Variants in CYREN observed in about 807,000 individuals in gnomAD.
The protein encoded by CYREN is cell cycle regulator of non-homologous end joining.
Under a neutral mutation model 9.7 loss-of-function variants are expected in CYREN, and 7 were observed. That is an observed-to-expected ratio of 0.72 (90% CI 0.41 to 1.36). CYREN has a LOEUF of 1.36. Among genes scored for constraint, CYREN ranks in the 40% most tolerant of loss-of-function variants. CYREN has a pLI of 0.01. For synonymous variants in CYREN, 76 were observed against 77.9 expected, an observed-to-expected ratio of 0.98 and a Z score of 0.13; for missense variants, 215 against 198.1, an observed-to-expected ratio of 1.09 and a Z score of -0.51.
chr7:135,113,824 G>A (rs1825961531), intron 2 of CYREN, among the ~76,000 whole-genome samples: 2 of 152,022 alleles, frequency 1.3e-5, no homozygotes, highest in Non-Finnish European at 1.5e-5. Context: ...CCTCCCCCCA[G>A]CACCTGGAAA....
chr7:135,130,087 C>T (rs1186435752), intron 2 of CYREN, among the ~76,000 whole-genome samples: 2 of 152,136 alleles, frequency 1.3e-5, no homozygotes, highest in Non-Finnish European at 2.9e-5. Context: ...TTGGAGTTCC[C>T]TCAGTACTAC....
rs545602331 is a variant in CYREN at position 135,097,089 on chromosome 7, GAATGCTTATCACATCAA to G, written n.357-2524_357-2508del. ...ATTTGCTTGGGCATACCACCCAAAT[GAATGCTTATCACATCAA>G]CAAATGAATGCTTATCACATCATTC... On this transcript the variant is annotated intron_variant and non_coding_transcript_variant, in intron 2 of 2. Coordinates refer to the CYREN transcript ENST00000459937. Among the ~76,000 whole-genome samples, 1,069 of 152,284 alleles carry G rather than the reference GAATGCTTATCACATCAA, an allele frequency of 7.0e-3. 13 individuals are homozygous for G. The highest frequency in any genetic ancestry group is 0.025 in the African/African-American group (1,019 of 41,566).
intron 2 of CYREN, among the ~76,000 whole-genome samples, chr7:135,121,180 G>A (rs894510864): frequency 6.6e-6 from 1 of 152,090 alleles, no homozygotes; most frequent in Non-Finnish European, 1.5e-5. Flanking sequence ...ACTCCAGCCT[G>A]GGCAACAAAA....
intron 2 of CYREN, chr7:135,115,284 G>C (rs568700781): frequency 3.9e-6 from 3 of 771,222 alleles, no homozygotes; most frequent in Non-Finnish European, 6.1e-6. Context: ...GATGGGCAAG[G>C]AATTTTAGAT....
Position 135,151,070 on chromosome 7 carries a change from C to T in CYREN, n.356+17679G>A, listed in dbSNP as rs1301196263. 6.6e-6 allele frequency among the ~76,000 whole-genome samples: 1 copy of T among 152,208 alleles called. No individual in the cohort carries two copies. The highest frequency in any genetic ancestry group is 1.5e-5 in the Non-Finnish European group (1 of 68,048). On this transcript the variant is annotated intron_variant and non_coding_transcript_variant, in intron 2 of 2. Coordinates refer to the CYREN transcript ENST00000459937. This position sits in a 1 kb window ranked among gnomAD's most constrained non-coding sequence, Gnocchi z 4.3. ...GGCTTGTCATCTGGGTGCCTGGACT[C>T]ATGCTTCTGACTTTATGTTATAATC...
chr7:135,113,500 GC>G (rs1395061986), intron 2 of CYREN, among the ~76,000 whole-genome samples: 1 of 151,990 alleles, frequency 6.6e-6, no homozygotes. Context: ...TGTATTTCTT[GC>G]TTTTATTCTA....
chr7:135,138,280 TA>T (rs1009829993), intron 2 of CYREN, among the ~76,000 whole-genome samples: 10 of 151,936 alleles, frequency 6.6e-5, no homozygotes, highest in African/African-American at 1.7e-4. Context: ...GAAGGTAAAA[TA>T]AAATCTTTTA....
intron 2 of CYREN, among the ~76,000 whole-genome samples, chr7:135,117,948 C>A (rs1363013861): frequency 1.3e-5 from 2 of 152,180 alleles, no homozygotes; most frequent in Admixed American, 6.5e-5. Context: ...CAGTCTTGCA[C>A]ATGAAACTGC....
At chr7:135,162,580 G>C (rs1192309480), downstream of CYREN, among the ~76,000 whole-genome samples, 1 of 152,212 alleles carries the variant, frequency 6.6e-6, no homozygotes, top group African/African-American at 2.4e-5. Context: ...GCAGGCAAGA[G>C]AACATGTGCA....
chr7:135,115,821 T>C (rs1026919096), intron 2 of CYREN: 8 of 492,890 alleles, frequency 1.6e-5, no homozygotes, highest in Non-Finnish European at 2.2e-5. Context: ...TAATTGATTA[T>C]TTGCATGAAA....
At chr7:135,135,133 C>T in intron 2 of CYREN, 1 of 1,551,138 alleles carries the variant, frequency 6.4e-7, no homozygotes, top group Non-Finnish European at 8.7e-7. Context: ...TAAGAGTCTT[C>T]AAGCTGAAGA....
At chr7:135,158,126 C>A (rs3778772) in intron 2 of CYREN, among the ~76,000 whole-genome samples, 73,420 of 151,936 alleles carry the variant, frequency 0.48, 18,039 homozygotes, top group South Asian at 0.65. Flanking sequence ...TGGGGCACAG[C>A]CCAGCATTAA....
At chr7:135,127,479 G>A (rs963389463) in intron 2 of CYREN, among the ~76,000 whole-genome samples, 11 of 152,074 alleles carry the variant, frequency 7.2e-5, no homozygotes, top group Non-Finnish European at 4.4e-5. Flanking sequence ...CTTGAACCCG[G>A]GAGGCGGAGG....
At chr7:135,164,468 C>T (rs761888344), downstream of CYREN, 31 of 1,599,066 alleles carry the variant, frequency 1.9e-5, no homozygotes, top group Middle Eastern at 3.3e-4. Flanking sequence ...CTCGGTGGCG[C>T]GACCAGCTGC....
At chr7:135,164,545 A>G (rs752366950), downstream of CYREN, 2 of 1,614,140 alleles carry the variant, frequency 1.2e-6, no homozygotes, top group Admixed American at 3.3e-5. Context: ...CTTCTCTGGG[A>G]GGCTGGCAAC....
At position 135,096,733 on chromosome 7, in the gene CYREN, G is replaced by GAGAAAGAA. The variant is rs1441379719; in HGVS notation, n.357-2159_357-2152dup. Among the ~76,000 whole-genome samples the GAGAAAGAA allele has an allele frequency of 3.9e-4, 20 of 51,238 alleles. 2 individuals are homozygous for GAGAAAGAA. Among genetic ancestry groups the GAGAAAGAA allele is most frequent in the Middle Eastern group, 0.011 (1 of 92 alleles). 33.6% of individuals were successfully genotyped at this position (51,238 alleles called of 152,430 possible). A position where few individuals can be genotyped will look rare whatever the true frequency, so the allele number is the denominator to read the frequency against. ...GGAAGAAAGAAAGAGAAGAAAGAAAGAGAAAGAATGAAAGAAAGAAAGAAA... is the reference window on the plus strand; with the variant it reads ...GGAAGAAAGAAAGAGAAGAAAGAAAGAGAAAGAAAGAAAGAATGAAAGAAAGAAAGAAA... On this transcript the variant is annotated intron_variant and non_coding_transcript_variant, in intron 2 of 2. Transcript: ENST00000459937.
rs1585367319 is a variant in CYREN at position 135,166,535 on chromosome 7, C to T, written c.*76G>A. 11 of 1,506,532 alleles carry T rather than the reference C, an allele frequency of 7.3e-6. No homozygotes were observed. Among genetic ancestry groups the T allele is most frequent in the African/African-American group, 1.4e-5 (1 of 72,222 alleles). 93.3% of individuals were successfully genotyped at this position (1,506,532 alleles called of 1,614,324 possible). A position where few individuals can be genotyped will look rare whatever the true frequency, so the allele number is the denominator to read the frequency against. On this transcript the variant is annotated 3_prime_UTR_variant, in exon 4 of 4. Transcript: ENST00000393114. ...AGAGAGCCCCATTCCCACAGGCGGG[C>T]GGCCCAGCAGCACCAGTGGAAGCTC...
At chr7:135,096,614 T>G (rs1822849303) in intron 2 of CYREN, among the ~76,000 whole-genome samples, 1 of 136,580 alleles carries the variant, frequency 7.3e-6, no homozygotes, top group Non-Finnish European at 1.6e-5. Context: ...GATAGATAGA[T>G]AGATAGATAG....
intron 2 of CYREN, among the ~76,000 whole-genome samples, chr7:135,121,722 T>C (rs1187258541): frequency 1.3e-5 from 2 of 152,208 alleles, no homozygotes; most frequent in East Asian, 3.9e-4. Flanking sequence ...GGTTCTCTCA[T>C]CAGAACTGAC....
Sources: gnomAD v4.1 joint callset for allele counts (sites outside exome capture counted in the v4.1 genomes callset) on GRCh38, gnomAD v4.1.1 for gene constraint, Gnocchi (gnomAD v3.1) non-coding constraint, MANE v1.5 for transcripts, NCBI Gene and HGNC (gene_info 2026-07-23, HGNC 2026-07-21) for gene names.